RBFOX1: variants seen among roughly 807,000 people sequenced by gnomAD.
The protein encoded by RBFOX1 is RNA binding fox-1 homolog 1.
RBFOX1 carries 8 observed loss-of-function variants against 57.7 expected under a neutral mutation model. The observed-to-expected ratio is 0.14, with a 90% confidence interval of 0.08 to 0.25. The LOEUF is 0.25. Among genes scored for constraint, RBFOX1 ranks in the 10% least tolerant of loss-of-function variants. The pLI, the probability that RBFOX1 is intolerant of heterozygous loss-of-function variation, is 1.00. For synonymous variants in RBFOX1, 326 were observed against 222.4 expected (o/e 1.47, Z -4.15); for missense variants, 611 against 548.5 (o/e 1.11, Z -1.14).
intron 4 of RBFOX1, among the ~76,000 whole-genome samples, chr16:5,932,300 G>T (rs902627968): frequency 6.6e-6 from 1 of 152,254 alleles, no homozygotes; most frequent in Admixed American, 6.5e-5. Flanking sequence ...CAGAAGGTCT[G>T]TGGGACTGAG....
intron 3 of RBFOX1, among the ~76,000 whole-genome samples, chr16:6,859,984 G>C (rs992848054): frequency 6.6e-6 from 1 of 152,152 alleles, no homozygotes; most frequent in Non-Finnish European, 1.5e-5. Flanking sequence ...AGTGGAATTG[G>C]TTTTTGCTCA....
intron 1 of RBFOX1, among the ~76,000 whole-genome samples, chr16:6,158,210 A>T (rs533357124): frequency 5.3e-5 from 8 of 152,324 alleles, no homozygotes; most frequent in African/African-American, 1.9e-4. Flanking sequence ...TGATGCTTGC[A>T]ACTGTCCGGC....
chr16:7,066,450 C>T (rs1411314502), intron 4 of RBFOX1, among the ~76,000 whole-genome samples: 1 of 152,166 alleles, frequency 6.6e-6, no homozygotes, highest in Admixed American at 6.5e-5. Context: ...GAGGCCCAAC[C>T]TTTGTAGGAT....
intron 1 of RBFOX1, among the ~76,000 whole-genome samples, chr16:6,179,581 C>G (rs1380442238): frequency 2.0e-5 from 3 of 152,162 alleles, no homozygotes; most frequent in Non-Finnish European, 4.4e-5. Flanking sequence ...CCGCAGCCCA[C>G]TAGTGTTATC....
chr16:7,373,793 G>C (rs2097626179), intron 4 of RBFOX1, among the ~76,000 whole-genome samples: 1 of 152,176 alleles, frequency 6.6e-6, no homozygotes, highest in East Asian at 1.9e-4. Context: ...TTGGGGTCTG[G>C]AAACATTCAC....
chr16:6,203,848 G>C (rs2097234136), intron 1 of RBFOX1, among the ~76,000 whole-genome samples: 1 of 151,996 alleles, frequency 6.6e-6, no homozygotes, highest in Admixed American at 6.6e-5. Context: ...CTCACTTCTG[G>C]GTCTGCTTCT....
intron 3 of RBFOX1, among the ~76,000 whole-genome samples, chr16:6,724,667 T>A (rs2066768619): frequency 6.6e-6 from 1 of 152,174 alleles, no homozygotes; most frequent in African/African-American, 2.4e-5. Context: ...CCGAATAGAC[T>A]AAGACTGCCT....
intron 4 of RBFOX1, among the ~76,000 whole-genome samples, chr16:7,259,525 TGA>T (rs1051883545): frequency 6.6e-6 from 1 of 151,384 alleles, no homozygotes; most frequent in African/African-American, 2.4e-5. Context: ...CATCATTTAC[TGA>T]GAGAAACAGG....
intron 4 of RBFOX1, among the ~76,000 whole-genome samples, chr16:7,361,470 G>A (rs987517024): frequency 6.6e-6 from 1 of 152,176 alleles, no homozygotes; most frequent in African/African-American, 2.4e-5. Context: ...AGGGTTACCT[G>A]GTCCCCTGCT....
intron 4 of RBFOX1, among the ~76,000 whole-genome samples, chr16:7,496,094 T>G (rs1869129172): frequency 6.6e-6 from 1 of 152,084 alleles, no homozygotes. Context: ...CAGCAGTGAG[T>G]CAGTGCACAC....
intron 2 of RBFOX1, among the ~76,000 whole-genome samples, chr16:6,378,456 T>C (rs756753580): frequency 2.0e-5 from 3 of 152,166 alleles, no homozygotes; most frequent in African/African-American, 7.2e-5. Context: ...AGGGTTGCAA[T>C]TGTAGCCCGT....
At chr16:6,086,154 C>A (rs1477364396) in intron 1 of RBFOX1, among the ~76,000 whole-genome samples, 3 of 152,182 alleles carry the variant, frequency 2.0e-5, no homozygotes, top group Admixed American at 6.5e-5. Context: ...GACGTGATTT[C>A]ATTCCTTTTT....
intron 3 of RBFOX1, among the ~76,000 whole-genome samples, chr16:6,668,310 G>T (rs2098744993): frequency 6.6e-6 from 1 of 152,194 alleles, no homozygotes; most frequent in South Asian, 2.1e-4. Context: ...AGTGATGCCT[G>T]CCAAGGGTGG....
At chr16:6,821,837 G>T (rs999534345) in intron 3 of RBFOX1, among the ~76,000 whole-genome samples, 3 of 152,254 alleles carry the variant, frequency 2.0e-5, no homozygotes, top group Non-Finnish European at 2.9e-5. Flanking sequence ...GAACATGAAG[G>T]TGCAGGCACT....
chr16:6,519,016 G>C (rs1781068859), intron 2 of RBFOX1, among the ~76,000 whole-genome samples: 1 of 151,774 alleles, frequency 6.6e-6, no homozygotes, highest in Admixed American at 6.6e-5. Flanking sequence ...GGCTCCCAAG[G>C]ACTGTGAGAA....
rs117241100 is a variant in RBFOX1, at chr16:7,274,711, G to A, written c.27+222613G>A. On this transcript the variant is annotated intron_variant, in intron 4 of 15. Transcript: ENST00000550418. ...TTTTATTTTATTTTTTTGAGGCAAG[G>A]TCTCATCCTGTCACCCAAGCTGCAG... is the stretch of plus-strand genomic sequence containing the variant. Among the ~76,000 whole-genome samples the A allele has an allele frequency of 3.6e-3, 542 of 151,854 alleles. 3 individuals carry two copies. Among genetic ancestry groups the A allele is most frequent in the Non-Finnish European group, 6.0e-3 (406 of 67,954 alleles).
chr16:7,668,627 T>TTATC (rs1407207238), intron 13 of RBFOX1, among the ~76,000 whole-genome samples: 2 of 151,464 alleles, frequency 1.3e-5, no homozygotes, highest in Non-Finnish European at 2.9e-5. Flanking sequence ...GGAATGATCT[T>TTATC]TATCTGAGTC....
At position 7,432,487 on chromosome 16, in the gene RBFOX1, A is replaced by G. The variant is rs575189496; in HGVS notation, c.28-85660A>G. 3.3e-5 allele frequency among the ~76,000 whole-genome samples: 5 copies of G among 152,290 alleles called. No homozygotes were observed. The East Asian group carries it at 5.8e-4, about 18-fold the overall frequency. ...TCAGGTTGCATTGCACCTTAAAGAC[A>G]TAGGATTTCTTGTCTTAACAACAGG... On this transcript the variant is annotated intron_variant, in intron 4 of 15. Transcript: ENST00000550418.
intron 2 of RBFOX1, among the ~76,000 whole-genome samples, chr16:5,585,088 A>C (rs969255847): frequency 2.0e-5 from 3 of 152,172 alleles, no homozygotes; most frequent in Non-Finnish European, 4.4e-5. Flanking sequence ...AGTGTTGTAC[A>C]GCCGTCACCT....
Sources: allele counts gnomAD v4.1 joint callset (sites outside exome capture counted in the v4.1 genomes callset), GRCh38; gene constraint gnomAD v4.1.1; transcripts MANE v1.5; gene names NCBI Gene and HGNC (gene_info 2026-07-23, HGNC 2026-07-21).